TSHZ2: variants seen among roughly 807,000 people sequenced by gnomAD.
TSHZ2 encodes teashirt zinc finger homeobox 2, also known as teashirt homolog 2.
TSHZ2 carries 21 observed loss-of-function variants against 74.4 expected under a neutral mutation model. The observed-to-expected ratio is 0.28, with a 90% CI of 0.20 to 0.41. The LOEUF is 0.41. TSHZ2 is among the 10% of genes least tolerant of loss of function. TSHZ2 has a pLI of 1.00. For synonymous variants in TSHZ2, 540 were observed against 515.3 expected (o/e 1.05, Z -0.65); for missense variants, 1,244 against 1,293.5 (o/e 0.96, Z 0.59).
At chr20:53,235,900 G>A (rs1297286282) in intron 1 of TSHZ2, among the ~76,000 whole-genome samples, 1 of 152,210 alleles carries the variant, frequency 6.6e-6, no homozygotes, top group African/African-American at 2.4e-5. Flanking sequence ...CTGTGAAGCA[G>A]ATTAGTTCAC....
chr20:53,272,871 G>A (rs1487229553), intron 2 of TSHZ2, among the ~76,000 whole-genome samples: 1 of 152,108 alleles, frequency 6.6e-6, no homozygotes, highest in Non-Finnish European at 1.5e-5. Context: ...ATAATACTAA[G>A]GGCTAACATC....
Position 53,255,817 on chromosome 20 carries a change from C to A in TSHZ2, c.2359C>A (p.Pro787Thr), listed in dbSNP as rs1325446964. 3 of 1,613,514 alleles carry A rather than the reference C, an allele frequency of 1.9e-6. No homozygotes were observed. The Admixed American group carries it at 5.0e-5, about 27-fold the overall frequency. The change falls in exon 2 of 3, where the codon CCT becomes ACT. Residue 787 changes from proline (P) to threonine (T), a missense_variant. Physicochemically the swap from Pro to Thr is conservative, Grantham distance 38. This residue lies in a region of TSHZ2 where 562 missense variants were observed against 544.0 expected (regional missense o/e 1.03). Coordinates refer to ENST00000371497, the MANE Select transcript of TSHZ2 (RefSeq NM_173485.6). This position sits in a 1 kb window ranked among gnomAD's most constrained non-coding sequence, Gnocchi z 4.1. ...SSQAQSCMSP[P>T]QKHALSDIAD... ...GCAAGCACAATCTTGTATGTCCCCA[C>A]CTCAGAAGCACGCTCTGTCTGACAT... is the stretch of plus-strand genomic sequence containing the variant.
chr20:53,428,209 T>C (rs192730961), intron 2 of TSHZ2, among the ~76,000 whole-genome samples: 160 of 152,300 alleles, frequency 1.1e-3, no homozygotes, highest in African/African-American at 3.6e-3. Flanking sequence ...AATGCAGAAA[T>C]GGAGTTAGAG....
intron 2 of TSHZ2, among the ~76,000 whole-genome samples, chr20:53,445,385 A>T (rs1462575302): frequency 1.3e-5 from 2 of 152,224 alleles, no homozygotes; most frequent in Admixed American, 6.5e-5. Context: ...CTTTACAATC[A>T]CTAACGAATC....
chr20:53,393,730 A>G (rs1378078580), intron 2 of TSHZ2, among the ~76,000 whole-genome samples: 2 of 152,162 alleles, frequency 1.3e-5, no homozygotes, highest in African/African-American at 4.8e-5. Context: ...AGTTAACAGT[A>G]TTGTACCAAT....
At chr20:53,338,924 T>C (rs1980066247) in intron 2 of TSHZ2, among the ~76,000 whole-genome samples, 1 of 152,176 alleles carries the variant, frequency 6.6e-6, no homozygotes, top group Admixed American at 6.5e-5. Flanking sequence ...CAGGCATGCA[T>C]TGCAGTGATG....
intron 1 of TSHZ2, among the ~76,000 whole-genome samples, chr20:53,085,112 A>G (rs62206544): frequency 6.6e-6 from 1 of 151,982 alleles, no homozygotes; most frequent in African/African-American, 2.4e-5. Context: ...TGTAATCCCA[A>G]TACTTTGGGA....
chr20:53,393,693 A>ACACAC (rs1982344126), intron 2 of TSHZ2, among the ~76,000 whole-genome samples: 2 of 125,500 alleles, frequency 1.6e-5, no homozygotes, highest in Non-Finnish European at 1.8e-5. Context: ...CACACACACA[A>ACACAC]ATTGTAAAAA....
intron 2 of TSHZ2, among the ~76,000 whole-genome samples, chr20:53,431,923 T>A (rs1983861161): frequency 6.6e-6 from 1 of 152,234 alleles, no homozygotes; most frequent in South Asian, 2.1e-4. Flanking sequence ...ACTGAGTTAG[T>A]AAAGGAAGCC....
chr20:53,164,129 G>A (rs998710884), intron 1 of TSHZ2, among the ~76,000 whole-genome samples: 25 of 152,042 alleles, frequency 1.6e-4, no homozygotes, highest in African/African-American at 5.8e-4. Context: ...TTTATGTAGA[G>A]CTTCTATTTT....
intron 2 of TSHZ2, among the ~76,000 whole-genome samples, chr20:53,339,388 C>G (rs1980086442): frequency 6.6e-6 from 1 of 152,050 alleles, no homozygotes; most frequent in Non-Finnish European, 1.5e-5. Context: ...TTCTGGTGGT[C>G]AAGGGCCAGG....
At chr20:53,010,036 G>C (rs1982793294) in intron 1 of TSHZ2, among the ~76,000 whole-genome samples, 1 of 152,044 alleles carries the variant, frequency 6.6e-6, no homozygotes, top group South Asian at 2.1e-4. Context: ...GTGGACAAAA[G>C]GCTCTCGTCC....
chr20:53,034,741 G>A (rs1437323492), intron 1 of TSHZ2, among the ~76,000 whole-genome samples: 1 of 152,168 alleles, frequency 6.6e-6, no homozygotes, highest in Non-Finnish European at 1.5e-5. Context: ...AGGCAGAAAT[G>A]TTTGCTCCAG....
intron 1 of TSHZ2, among the ~76,000 whole-genome samples, chr20:53,136,267 C>T (rs1340345713): frequency 6.6e-6 from 1 of 152,194 alleles, no homozygotes; most frequent in African/African-American, 2.4e-5. Flanking sequence ...CTTCAACGCC[C>T]TACCTCTCAA....
intron 1 of TSHZ2, among the ~76,000 whole-genome samples, chr20:53,210,988 A>G (rs1470347614): frequency 6.6e-6 from 1 of 152,208 alleles, no homozygotes; most frequent in African/African-American, 2.4e-5. Context: ...AAAGGAAGAA[A>G]AAAAGAGAAA....
intron 1 of TSHZ2, among the ~76,000 whole-genome samples, chr20:53,176,502 C>T (rs946722027): frequency 2.2e-4 from 34 of 152,110 alleles, no homozygotes; most frequent in African/African-American, 8.0e-4. Context: ...GGGGACGTGA[C>T]TGAGGACTCC....
chr20:53,334,007 T>C (rs1979838223), intron 2 of TSHZ2, among the ~76,000 whole-genome samples: 1 of 152,206 alleles, frequency 6.6e-6, no homozygotes, highest in Non-Finnish European at 1.5e-5. Flanking sequence ...CTGGAATTAG[T>C]GGCCAAAGTC....
At chr20:53,045,946 C>T (rs1984212856) in intron 1 of TSHZ2, among the ~76,000 whole-genome samples, 1 of 152,188 alleles carries the variant, frequency 6.6e-6, no homozygotes, top group South Asian at 2.1e-4. Flanking sequence ...TTGACCAGCT[C>T]TGCTCCTTTC....
chr20:53,418,411 C>G (rs748791589), intron 2 of TSHZ2, among the ~76,000 whole-genome samples: 4 of 152,188 alleles, frequency 2.6e-5, no homozygotes, highest in Non-Finnish European at 5.9e-5. Context: ...ATACCCGAGG[C>G]TGGGCAACTT....
Sources: gnomAD v4.1 joint callset for allele counts (sites outside exome capture counted in the v4.1 genomes callset) on GRCh38, gnomAD v4.1.1 for gene constraint, gnomAD v4.1.1 regional missense constraint, Gnocchi (gnomAD v3.1) non-coding constraint, MANE v1.5 for transcripts, NCBI Gene and HGNC (gene_info 2026-07-23, HGNC 2026-07-21) for gene names.